The following SDR42E1 variants were observed in gnomAD, a reference collection of about 807,000 sequenced individuals.
SDR42E1 encodes the protein short-chain dehydrogenase/reductase family 42E member 1.
Under a neutral mutation model 2.6 loss-of-function variants are expected in SDR42E1, and 5 were observed. That is an observed-to-expected ratio of 1.94 (90% CI 1.01 to 4.08). SDR42E1 has a LOEUF of 4.08. SDR42E1 is among the 30% of genes most tolerant of loss of function. SDR42E1 has a pLI of 0.00. For missense variants in SDR42E1, 596 were observed against 478.6 expected (o/e 1.25, Z -2.29); for synonymous variants, 231 against 188.3 (o/e 1.23, Z -1.86).
In SDR42E1 at chr16:81,999,928, C is replaced by G; in HGVS notation, c.365G>C (p.Ser122Thr). Residue 122 changes from serine to threonine, a missense_variant, in exon 3 of 3, where the codon AGC becomes ACC. Ser to Thr is a moderately conservative substitution (Grantham distance 58, BLOSUM62 1). Coordinates refer to ENST00000328945, the MANE Select transcript of SDR42E1 (RefSeq NM_145168.3). ...ACCTCCAAAGATGACATTGAAAGTG[C>G]TGGTGTAAACTAACCTGGGCACCCT... ...RRRVPRLVYT[S>T]TFNVIFGGQV... 6.2e-7 allele frequency: 1 copy of G among 1,614,214 alleles called. No homozygotes were observed. Among genetic ancestry groups the G allele is most frequent in the Non-Finnish European group, 8.5e-7 (1 of 1,180,044 alleles).
Position 81,991,009 on chromosome 16 carries a change from A to G in SDR42E1, c.*8102T>C, listed in dbSNP as rs910641541. 6.6e-6 allele frequency: 1 copy of G among 152,246 alleles called. No individual in the cohort carries two copies. Among genetic ancestry groups the G allele is most frequent in the Non-Finnish European group, 1.5e-5 (1 of 68,054 alleles). The allele number at this position is 152,246 out of a possible 1,614,324, so 9.4% of individuals were successfully genotyped here. On this transcript the variant is annotated 3_prime_UTR_variant, in exon 3 of 3. Coordinates refer to ENST00000328945, the MANE Select transcript of SDR42E1 (RefSeq NM_145168.3). ...GTGTAAGACTGCAGGGGAGGCAAAGAGCCATCAGCAGCGAATAATACTTGG... is the reference window on the plus strand; with the variant it reads ...GTGTAAGACTGCAGGGGAGGCAAAGGGCCATCAGCAGCGAATAATACTTGG...
In SDR42E1 at chr16:81,999,214, C is replaced by T. The variant is rs368697565; in HGVS notation, c.1079G>A (p.Gly360Glu). ...FKAHGHGRSS[G>E]SRDSECFVWD... ...AACAAAACACTCCGAGTCACGACTT[C>T]CAGAACTTCTGCCATGACCATGGGC... Residue 360 changes from glycine to glutamate, a missense_variant, in exon 3 of 3, where the codon GGA (glycine) becomes GAA (glutamate). By Grantham distance (98) the Gly-to-Glu change is moderately conservative (BLOSUM62 -2). Transcript: ENST00000328945. 1 of 1,614,122 alleles carries T rather than the reference C, an allele frequency of 6.2e-7. No individual in the cohort carries two copies. The highest frequency in any genetic ancestry group is 1.1e-5 in the South Asian group (1 of 91,092).
chr16:82,000,008 G>A lies in SDR42E1; in HGVS notation c.285C>T (p.Ile95=), dbSNP rs139499034. Residue 95 remains isoleucine (I), a synonymous_variant, in exon 3 of 3, where the codon ATC becomes ATT. Transcript: ENST00000328945. ...SGREQLNRNL[I]KEVNVRGTDN... ...CTGTGCCCCTGACGTTGACTTCTTT[G>A]ATCAGGTTTCGATTGAGTTGCTCCC... The A allele has an allele frequency of 6.1e-5, 98 of 1,614,176 alleles. No homozygotes were observed. In the African/African-American group the frequency reaches 1.0e-3, roughly 17 times the overall value.
chr16:82,005,034 T>C (rs1313094469), intron 1 of SDR42E1, among the ~76,000 whole-genome samples: 1 of 152,264 alleles, frequency 6.6e-6, no homozygotes, highest in Admixed American at 6.5e-5. Context: ...TTAATATCTC[T>C]GTAAGAATTC....
chr16:82,009,599 C>A (rs113980523), intron 1 of SDR42E1, among the ~76,000 whole-genome samples: 8,409 of 152,278 alleles, frequency 0.055, 308 homozygotes, highest in Non-Finnish European at 0.078. Flanking sequence ...GTATACTTAC[C>A]CAATACCTGT....
At chr16:82,008,012 G>C (rs745456834) in intron 1 of SDR42E1, 2 of 152,172 alleles carry the variant, frequency 1.3e-5, no homozygotes, top group Non-Finnish European at 2.9e-5. Flanking sequence ...GGACCCGGTA[G>C]GAGGTAATTG....
At position 81,989,636 on chromosome 16, in the gene SDR42E1, A is replaced by T. The variant is rs940099767; in HGVS notation, c.*9475T>A. On this transcript the variant is annotated 3_prime_UTR_variant, in exon 3 of 3. Coordinates refer to ENST00000328945, the MANE Select transcript of SDR42E1 (RefSeq NM_145168.3). ...CATAGATGCCTACTTGTTCTCTAGC[A>T]TGGTGTAATTGACTCTGCAATCTCA... 1 of 152,210 alleles carries T rather than the reference A, an allele frequency of 6.6e-6. No homozygotes were observed. Among genetic ancestry groups the T allele is most frequent in the African/African-American group, 2.4e-5 (1 of 41,452 alleles). The allele number at this position is 152,210 out of a possible 1,614,324, so 9.4% of individuals were successfully genotyped here.
chr16:82,001,818 C>A (rs977258834), intron 1 of SDR42E1, among the ~76,000 whole-genome samples: 1 of 149,346 alleles, frequency 6.7e-6, no homozygotes, highest in Non-Finnish European at 1.5e-5. Flanking sequence ...AGGAGAATGG[C>A]GTGAACCCAG....
In SDR42E1 at chr16:81,994,486, C is replaced by G. The variant is rs1912497498; in HGVS notation, c.*4625G>C. ...ATGGAAGTCCTGTGAGCGGTCAGGC[C>G]TGCATGTGGAGGTCAGCCCCACGAA... On this transcript the variant is annotated 3_prime_UTR_variant, in exon 3 of 3. Transcript: ENST00000328945. 1 of 152,236 alleles carries G rather than the reference C, an allele frequency of 6.6e-6. No homozygotes were observed. The highest frequency in any genetic ancestry group is 1.5e-5 in the Non-Finnish European group (1 of 68,070). The allele number at this position is 152,236 out of a possible 1,614,324, so 9.4% of individuals were successfully genotyped here. A position where few individuals can be genotyped will look rare whatever the true frequency, so the allele number is the denominator to read the frequency against.
chr16:81,999,643 C>T lies in SDR42E1; in HGVS notation c.650G>A (p.Arg217Lys). The change falls in exon 3 of 3, where the codon AGG becomes AAG. Residue 217 changes from arginine to lysine, a missense_variant. Coordinates refer to ENST00000328945, the MANE Select transcript of SDR42E1 (RefSeq NM_145168.3). ...GLFKFVYGDPRSLVEFVHVDN... is the reference protein window; with the variant it reads ...GLFKFVYGDPKSLVEFVHVDN... ...CACGTGGACAAACTCAACCAGGCTC[C>T]TGGGGTCCCCGTAGACAAACTTGAA... 1.2e-6 allele frequency: 2 copies of T among 1,614,194 alleles called. No individual in the cohort carries two copies. The highest frequency in any genetic ancestry group is 1.1e-5 in the South Asian group (1 of 91,072).
chr16:82,007,978 C>T (rs1913001050), intron 1 of SDR42E1: 1 of 152,180 alleles, frequency 6.6e-6, no homozygotes, highest in Non-Finnish European at 1.5e-5. Flanking sequence ...ATTGTAGCTC[C>T]CGTAAATCCC....
At position 81,990,117 on chromosome 16, in the gene SDR42E1, G is replaced by C. The variant is rs1287653969; in HGVS notation, c.*8994C>G. ...ACCTAAGGCCAGGAGTTTGAGACCAGCCTGGGCAAAACGGTGAGACCCTGT... is the reference window on the plus strand; with the variant it reads ...ACCTAAGGCCAGGAGTTTGAGACCACCCTGGGCAAAACGGTGAGACCCTGT... On this transcript the variant is annotated 3_prime_UTR_variant, in exon 3 of 3. Transcript: ENST00000328945. The C allele has an allele frequency of 1.3e-5, 2 of 152,324 alleles. No homozygotes were observed. Among genetic ancestry groups the C allele is most frequent in the African/African-American group, 4.8e-5 (2 of 41,462 alleles). The allele number at this position is 152,324 out of a possible 1,614,324, so 9.4% of individuals were successfully genotyped here. A position where few individuals can be genotyped will look rare whatever the true frequency, so the allele number is the denominator to read the frequency against.
At position 81,990,426 on chromosome 16, in the gene SDR42E1, T is replaced by C. The variant is rs1301524086; in HGVS notation, c.*8685A>G. 6.6e-6 allele frequency: 1 copy of C among 152,242 alleles called. No individual in the cohort carries two copies. Among genetic ancestry groups the C allele is most frequent in the Non-Finnish European group, 1.5e-5 (1 of 68,044 alleles). The allele number at this position is 152,242 out of a possible 1,614,324, so 9.4% of individuals were successfully genotyped here. A position where few individuals can be genotyped will look rare whatever the true frequency, so the allele number is the denominator to read the frequency against. On this transcript the variant is annotated 3_prime_UTR_variant, in exon 3 of 3. Transcript: ENST00000328945. ...TTGTTTTTTTCAAACTACAGTCTTA[T>C]GTTGCTAATTAGTTACTGAACATTC...
In SDR42E1 at chr16:82,000,885, C is replaced by T. The variant is rs905741433; in HGVS notation, c.-26-1G>A. Reference sequence around the variant, plus strand: ...TGTGGCAGTCAAAAGATAACTGGACCTGAAGAAAGAAGTATGCATCACTGT... The same window carrying T: ...TGTGGCAGTCAAAAGATAACTGGACTTGAAGAAAGAAGTATGCATCACTGT... On this transcript the variant is annotated splice_acceptor_variant, in intron 1 of 2. Transcript: ENST00000328945. LOFTEE classifies it low-confidence loss of function (5UTR_SPLICE). The T allele has an allele frequency of 6.3e-7, 1 of 1,593,708 alleles. No individual in the cohort carries two copies. Among genetic ancestry groups the T allele is most frequent in the African/African-American group, 1.4e-5 (1 of 73,860 alleles).
chr16:82,007,838 G>A (rs1912992975), intron 1 of SDR42E1: 1 of 152,232 alleles, frequency 6.6e-6, no homozygotes, highest in Non-Finnish European at 1.5e-5. Flanking sequence ...TGTTACCCTA[G>A]GCAATTCACT....
rs1004461376 is a variant in SDR42E1 at position 81,989,319 on chromosome 16, A to G, written c.*9792T>C. On this transcript the variant is annotated 3_prime_UTR_variant, in exon 3 of 3. Transcript: ENST00000328945. Reference sequence around the variant, plus strand: ...TGAGGTGGGAGACAGTAGTATGGGGAAAGACATGAACACCACAGCCCTGTT... The same window carrying G: ...TGAGGTGGGAGACAGTAGTATGGGGGAAGACATGAACACCACAGCCCTGTT... The G allele has an allele frequency of 1.3e-5, 2 of 152,238 alleles. No individual in the cohort carries two copies. Among genetic ancestry groups the G allele is most frequent in the African/African-American group, 4.8e-5 (2 of 41,462 alleles). 9.4% of individuals were successfully genotyped at this position (152,238 alleles called of 1,614,324 possible).
In SDR42E1 at chr16:81,998,211, A is replaced by C. The variant is rs1912594634; in HGVS notation, c.*900T>G. ...GTTTAGAGCTCTGCTTCATTTTTAA[A>C]CTAAAAATGGCATCAGCTTGATTGA... On this transcript the variant is annotated 3_prime_UTR_variant, in exon 3 of 3. Transcript: ENST00000328945. 6.6e-6 allele frequency: 1 copy of C among 152,216 alleles called. No homozygotes were observed. The highest frequency in any genetic ancestry group is 1.5e-5 in the Non-Finnish European group (1 of 68,046). The allele number at this position is 152,216 out of a possible 1,614,324, so 9.4% of individuals were successfully genotyped here. A position where few individuals can be genotyped will look rare whatever the true frequency, so the allele number is the denominator to read the frequency against.
Position 81,999,825 on chromosome 16 carries a change from C to CT in SDR42E1, c.467dup (p.Ser157ValfsTer65). ...CCAGCACCTTCTGCTCTGCAATTGA[C>CT]TTTGTCCGAGAGTAGTGATCAGGGT... On this transcript the variant is annotated frameshift_variant, in exon 3 of 3. Coordinates refer to ENST00000328945, the MANE Select transcript of SDR42E1 (RefSeq NM_145168.3). LOFTEE classifies it high-confidence loss of function. 1 of 1,614,178 alleles carries CT rather than the reference C, an allele frequency of 6.2e-7. No individual in the cohort carries two copies. Among genetic ancestry groups the CT allele is most frequent in the Non-Finnish European group, 8.5e-7 (1 of 1,180,038 alleles).
chr16:82,007,457 C>T (rs1044341792), intron 1 of SDR42E1, among the ~76,000 whole-genome samples: 1 of 152,142 alleles, frequency 6.6e-6, no homozygotes, highest in Non-Finnish European at 1.5e-5. Context: ...TTGTTAATTC[C>T]ATTTTACAGG....
Sources: gnomAD v4.1 joint callset for allele counts (sites outside exome capture counted in the v4.1 genomes callset) on GRCh38, gnomAD v4.1.1 for gene constraint, MANE v1.5 for transcripts, NCBI Gene and HGNC (gene_info 2026-07-23, HGNC 2026-07-21) for gene names.